SUMF1: variants seen among roughly 807,000 people sequenced by gnomAD.
SUMF1 encodes the protein formylglycine-generating enzyme.
In SUMF1, 48 loss-of-function variants were observed where a neutral mutation model predicts 47.6. That is an observed-to-expected ratio of 1.01 (90% CI 0.80 to 1.28). The LOEUF (loss-of-function observed/expected upper bound fraction) is 1.28. Ranked by LOEUF, SUMF1 falls within the 50% of genes most tolerant of loss-of-function variation. The probability of loss-of-function intolerance (pLI) is 0.00; values close to 1 mark genes in which losing one functional copy is unlikely to be tolerated. For missense variants in SUMF1, 571 were observed against 485.4 expected (o/e 1.18, Z -1.66); for synonymous variants, 230 against 192.1 (o/e 1.20, Z -1.63).
chr3:4,373,473 A>AAT (rs397838663), intron 8 of SUMF1, among the ~76,000 whole-genome samples: 1 of 151,300 alleles, frequency 6.6e-6, no homozygotes, highest in Non-Finnish European at 1.5e-5. Context: ...GAAAAAAAAA[A>AAT]TGGGCATACT....
At chr3:4,077,302 C>G (rs1199692092) in intron 8 of SUMF1, among the ~76,000 whole-genome samples, 1 of 152,124 alleles carries the variant, frequency 6.6e-6, no homozygotes, top group African/African-American at 2.4e-5. Flanking sequence ...AATCCCATTA[C>G]TGGGTATATA....
intron 8 of SUMF1, among the ~76,000 whole-genome samples, chr3:4,142,066 T>A (rs569943642): frequency 1.3e-5 from 2 of 152,304 alleles, no homozygotes; most frequent in East Asian, 3.9e-4. Context: ...AAGACAAAAG[T>A]ATCTCCAGGG....
intron 8 of SUMF1, among the ~76,000 whole-genome samples, chr3:4,347,616 C>T (rs1327438598): frequency 6.6e-6 from 1 of 152,152 alleles, no homozygotes; most frequent in African/African-American, 2.4e-5. Context: ...CCTTTGAAAA[C>T]CAGTACAAGA....
intron 8 of SUMF1, among the ~76,000 whole-genome samples, chr3:4,302,020 G>C (rs545721002): frequency 2.5e-4 from 38 of 152,262 alleles, no homozygotes; most frequent in Admixed American, 1.1e-3. Context: ...ACAACAAGAG[G>C]ATACTAACAA....
At chr3:4,043,978 G>T (rs1157640594) in intron 9 of SUMF1, among the ~76,000 whole-genome samples, 1 of 10,512 alleles carries the variant, frequency 9.5e-5, no homozygotes, top group African/African-American at 2.7e-4. Flanking sequence ...CATATTCCAA[G>T]GCTGCAATAA....
intron 4 of SUMF1, 57 bp from the exon 5 acceptor site, chr3:4,418,189 G>T: frequency 6.2e-7 from 1 of 1,611,078 alleles, no homozygotes; most frequent in Non-Finnish European, 8.5e-7. Context: ...AGAAGCAGGA[G>T]CTGGCTTCAG....
exon 9 of SUMF1, chr3:4,068,622 G>T (rs185590266): frequency 2.5e-5 from 11 of 436,010 alleles, no homozygotes; most frequent in African/African-American, 2.2e-4. Flanking sequence ...GCTGCATATT[G>T]CTGATGCCTA....
At chr3:4,381,684 T>G (rs1427022233) in intron 7 of SUMF1, among the ~76,000 whole-genome samples, 1 of 152,214 alleles carries the variant, frequency 6.6e-6, no homozygotes, top group East Asian at 1.9e-4. Flanking sequence ...AGAAGAGTTA[T>G]GAGTGAATGT....
At chr3:4,095,508 T>G (rs1692881907) in intron 8 of SUMF1, among the ~76,000 whole-genome samples, 1 of 152,108 alleles carries the variant, frequency 6.6e-6, no homozygotes, top group Non-Finnish European at 1.5e-5. Flanking sequence ...AAACATCAAA[T>G]GACTTGTTCA....
At chr3:4,300,568 G>T (rs62259813) in intron 8 of SUMF1, among the ~76,000 whole-genome samples, 11 of 152,122 alleles carry the variant, frequency 7.2e-5, no homozygotes, top group Non-Finnish European at 5.9e-5. Context: ...TTAATGCCAG[G>T]TATAACTGTT....
At chr3:4,360,070 C>T (rs1302556958), downstream of SUMF1, among the ~76,000 whole-genome samples, 3 of 152,104 alleles carry the variant, frequency 2.0e-5, no homozygotes, top group Non-Finnish European at 2.9e-5. Context: ...AAAATAGACA[C>T]ACCATAAATA....
chr3:4,321,489 A>AAG (rs1246240772), intron 8 of SUMF1, among the ~76,000 whole-genome samples: 1 of 148,668 alleles, frequency 6.7e-6, no homozygotes, highest in African/African-American at 2.5e-5. Context: ...AAAAAAAAAA[A>AAG]AAAAGAAAAA....
chr3:4,175,619 G>C (rs181164026), intron 8 of SUMF1, among the ~76,000 whole-genome samples: 31 of 152,148 alleles, frequency 2.0e-4, no homozygotes, highest in Admixed American at 2.0e-3. Context: ...TCTAAAAATC[G>C]AGCAGTTTTC....
Position 4,457,413 on chromosome 3 carries a change from AG to A in SUMF1, c.271-4365del, listed in dbSNP as rs1184643852. On this transcript the variant is annotated intron_variant, in intron 1 of 8. Transcript: ENST00000272902. The stretch of plus-strand genomic sequence containing the variant: ...GAAAAAAAAATCCTAAAATTTGTAC[AG>A]CACAACAAAAGACCCCAAAGAGCGA... 5.3e-5 allele frequency among the ~76,000 whole-genome samples: 8 copies of A among 152,318 alleles called. No individual in the cohort carries two copies. The South Asian group carries it at 1.7e-3, about 32-fold the overall frequency.
At chr3:4,388,873 C>G (rs151111112) in intron 7 of SUMF1, among the ~76,000 whole-genome samples, 77 of 152,214 alleles carry the variant, frequency 5.1e-4, no homozygotes, top group Middle Eastern at 6.8e-3. Context: ...AACCGTAACT[C>G]TCTTTAAATC....
chr3:4,084,607 AGACTTAAGTTTCTTCCT>A (rs935655921), intron 8 of SUMF1, among the ~76,000 whole-genome samples: 18 of 152,132 alleles, frequency 1.2e-4, no homozygotes, highest in Non-Finnish European at 4.4e-5. Flanking sequence ...AAGAAACTCA[AGACTTAAGTTTCTTCCT>A]GACTTTCACA....
chr3:4,156,299 C>A (rs1694450510), intron 8 of SUMF1, among the ~76,000 whole-genome samples: 1 of 151,542 alleles, frequency 6.6e-6, no homozygotes, highest in Admixed American at 6.6e-5. Context: ...TGAAAATTCT[C>A]TCCATCTCCT....
chr3:4,305,383 G>A (rs1439442980), intron 8 of SUMF1, among the ~76,000 whole-genome samples: 2 of 152,180 alleles, frequency 1.3e-5, no homozygotes, highest in Non-Finnish European at 2.9e-5. Context: ...ACCGCACCCG[G>A]CCATGTAGAG....
chr3:4,449,603 G>C (rs1374436364), intron 2 of SUMF1, among the ~76,000 whole-genome samples: 1 of 152,194 alleles, frequency 6.6e-6, no homozygotes, highest in Non-Finnish European at 1.5e-5. Context: ...TTGAGAACGT[G>C]ACTGTTCTTG....
Sources: allele counts gnomAD v4.1 joint callset (sites outside exome capture counted in the v4.1 genomes callset), GRCh38; gene constraint gnomAD v4.1.1; transcripts MANE v1.5; gene names NCBI Gene and HGNC (gene_info 2026-07-23, HGNC 2026-07-21).